The following GALNT16 variants were observed in gnomAD, a reference collection of about 807,000 sequenced individuals.
The protein encoded by GALNT16 is UDP-GalNAc:polypeptide N-acetylgalactosaminyltransferase-like protein 1.
A neutral mutation model predicts 76.1 loss-of-function variants in GALNT16; 40 were observed. The ratio of observed to expected loss-of-function variants is 0.53; its 90% CI spans 0.41 to 0.68. The LOEUF (loss-of-function observed/expected upper bound fraction) is 0.68, where lower values mean the gene tolerates loss of function less well. Ranked by LOEUF, GALNT16 falls within the 30% of genes least tolerant of loss-of-function variation. The pLI, the probability that GALNT16 is intolerant of heterozygous loss-of-function variation, is 0.00. For missense variants in GALNT16, 621 were observed against 731.9 expected (o/e 0.85, Z 1.75); for synonymous variants, 276 against 285.2 (o/e 0.97, Z 0.32).
rs117021843 is a variant in GALNT16, at chr14:69,343,729, G to A, written c.1271+1965G>A. 1.8e-4 allele frequency among the ~76,000 whole-genome samples: 27 copies of A among 152,314 alleles called. No individual in the cohort carries two copies. In the East Asian group the frequency reaches 5.0e-3, roughly 28 times the overall value. ...TAGGGCAGGAGCTGGGCAGCCTGTG[G>A]GAAGAGTGGGGGAGGCCTGGGAATG... On this transcript the variant is annotated intron_variant, in intron 12 of 14. Transcript: ENST00000448469.
At chr14:69,294,732 C>T (rs1012195756) in intron 1 of GALNT16, among the ~76,000 whole-genome samples, 46 of 152,142 alleles carry the variant, frequency 3.0e-4, no homozygotes, top group African/African-American at 1.0e-3. Flanking sequence ...GCTTCTTTCA[C>T]GTTACCTGAT....
chr14:69,342,029 A>G (rs1018386743), intron 12 of GALNT16, among the ~76,000 whole-genome samples: 1 of 152,202 alleles, frequency 6.6e-6, no homozygotes, highest in African/African-American at 2.4e-5. Flanking sequence ...ACTGCATTAC[A>G]TAGCAAAGGC....
the GALNT16 span, among the ~76,000 whole-genome samples, chr14:69,364,719 C>T: frequency 6.6e-6 from 1 of 152,086 alleles, no homozygotes; most frequent in Non-Finnish European, 1.5e-5. The surrounding 1 kb of genome is among the most constrained non-coding windows in gnomAD (Gnocchi z 4.2). Flanking sequence ...GGTCATAATT[C>T]CTTGCTTTTT....
At chr14:69,296,728 T>TGATAGATC (rs74676197) in intron 1 of GALNT16, among the ~76,000 whole-genome samples, 27,044 of 142,002 alleles carry the variant, frequency 0.19, 3,070 homozygotes, top group East Asian at 0.44. Flanking sequence ...GACAGATAGA[T>TGATAGATC]GATAGATAGA....
intron 1 of GALNT16, among the ~76,000 whole-genome samples, chr14:69,262,923 A>G (rs569630545): frequency 6.7e-6 from 1 of 149,074 alleles, no homozygotes; most frequent in Non-Finnish European, 1.5e-5. Context: ...TCTGTCACCC[A>G]GGCTGGAGTG....
At chr14:69,300,294 A>G (rs1213950038) in intron 1 of GALNT16, among the ~76,000 whole-genome samples, 2 of 152,312 alleles carry the variant, frequency 1.3e-5, no homozygotes, top group East Asian at 3.9e-4. Context: ...CTGTGTATAC[A>G]CATAAGCACA....
At chr14:69,359,235 A>G (rs747071490), downstream of GALNT16, 1 of 152,256 alleles carries the variant, frequency 6.6e-6, no homozygotes, top group Non-Finnish European at 1.5e-5. Flanking sequence ...CCACTGCTAC[A>G]GCACAGAACC....
At chr14:69,281,113 T>C (rs933511291) in intron 1 of GALNT16, among the ~76,000 whole-genome samples, 1 of 151,798 alleles carries the variant, frequency 6.6e-6, no homozygotes, top group Non-Finnish European at 1.5e-5. Flanking sequence ...GTATACCCAG[T>C]GGACAGAGTC....
At chr14:69,335,407 G>A (rs1252252406) in intron 9 of GALNT16, among the ~76,000 whole-genome samples, 1 of 152,172 alleles carries the variant, frequency 6.6e-6, no homozygotes, top group Non-Finnish European at 1.5e-5. Context: ...CAAGTGACCC[G>A]CTTTGTGTCT....
intron 1 of GALNT16, among the ~76,000 whole-genome samples, chr14:69,302,224 A>ATGTAAAT (rs2044864085): frequency 6.6e-6 from 1 of 152,176 alleles, no homozygotes; most frequent in Non-Finnish European, 1.5e-5. Flanking sequence ...CTTTTTCAAA[A>ATGTAAAT]TGTAAATGCA....
At chr14:69,375,350 A>G in the GALNT16 span, among the ~76,000 whole-genome samples, 15 of 152,322 alleles carry the variant, frequency 9.8e-5, no homozygotes, top group Admixed American at 8.5e-4. Context: ...CAGTCTGACA[A>G]TCCGAGTCTT....
At chr14:69,347,813 T>C (rs2045585996) in intron 13 of GALNT16, 64 bp from the exon 14 acceptor site, 1 of 1,575,686 alleles carries the variant, frequency 6.3e-7, no homozygotes, top group African/African-American at 1.3e-5. Context: ...TTATCCCCTA[T>C]CTACCCATCT....
intron 1 of GALNT16, among the ~76,000 whole-genome samples, chr14:69,311,819 T>C (rs2045024470): frequency 6.6e-6 from 1 of 152,186 alleles, no homozygotes; most frequent in Non-Finnish European, 1.5e-5. Flanking sequence ...CGACCTCAGT[T>C]GGTGGGGCAG....
At chr14:69,291,443 G>A (rs1389784485) in intron 1 of GALNT16, among the ~76,000 whole-genome samples, 1 of 152,212 alleles carries the variant, frequency 6.6e-6, no homozygotes, top group East Asian at 1.9e-4. Flanking sequence ...GCTTCCAGTA[G>A]ACCAGCTATT....
intron 12 of GALNT16, among the ~76,000 whole-genome samples, chr14:69,344,387 T>C (rs2045535475): frequency 6.6e-6 from 1 of 152,276 alleles, no homozygotes; most frequent in Non-Finnish European, 1.5e-5. Context: ...AGCATTCTTC[T>C]AACAAAACCA....
chr14:69,276,142 A>C (rs1323973783), intron 1 of GALNT16, among the ~76,000 whole-genome samples: 2 of 152,166 alleles, frequency 1.3e-5, no homozygotes, highest in African/African-American at 4.8e-5. Context: ...TCCCTCCCAC[A>C]GCATGTGGGA....
chr14:69,331,599 G>T (rs1164623186), intron 7 of GALNT16, 48 bp downstream of exon 7: 3 of 1,093,374 alleles, frequency 2.7e-6, no homozygotes, highest in Admixed American at 3.4e-5. Flanking sequence ...AAGGAGGTAG[G>T]TGAGGCTAGG....
intron 12 of GALNT16, among the ~76,000 whole-genome samples, chr14:69,344,235 C>T (rs756432648): frequency 6.6e-6 from 1 of 152,230 alleles, no homozygotes; most frequent in East Asian, 1.9e-4. Context: ...GCCTCAGGAA[C>T]TGCTAATTTA....
chr14:69,286,503 C>G (rs1379384041), intron 1 of GALNT16, among the ~76,000 whole-genome samples: 1 of 152,034 alleles, frequency 6.6e-6, no homozygotes, highest in Non-Finnish European at 1.5e-5. Flanking sequence ...GGGGTTTCAC[C>G]ATGTTAACCA....
Sources: gnomAD v4.1 joint callset for allele counts (sites outside exome capture counted in the v4.1 genomes callset) on GRCh38, gnomAD v4.1.1 for gene constraint, Gnocchi (gnomAD v3.1) non-coding constraint, MANE v1.5 for transcripts, NCBI Gene and HGNC (gene_info 2026-07-23, HGNC 2026-07-21) for gene names.